THSD7B: variants seen among roughly 807,000 people sequenced by gnomAD.
The protein encoded by THSD7B is thrombospondin type 1 domain containing 7B.
In THSD7B, 138 loss-of-function variants were observed where a neutral mutation model predicts 213.6. The observed-to-expected ratio is 0.65, with a 90% CI of 0.56 to 0.74. The LOEUF is 0.74. Ranked by LOEUF, THSD7B falls within the 30% of genes least tolerant of loss-of-function variation. The pLI is 0.00. For synonymous variants in THSD7B, 742 were observed against 687.0 expected, an observed-to-expected ratio of 1.08 and a Z score of -1.25; for missense variants, 1,931 against 1,991.5, an observed-to-expected ratio of 0.97 and a Z score of 0.58.
At chr2:137,612,737 C>T (rs570787699) in intron 17 of THSD7B, among the ~76,000 whole-genome samples, 2 of 152,040 alleles carry the variant, frequency 1.3e-5, no homozygotes, top group Non-Finnish European at 2.9e-5. Context: ...AAACAACACA[C>T]TTTGGAAAAG....
At chr2:136,821,379 A>T (rs1285454628) in intron 1 of THSD7B, among the ~76,000 whole-genome samples, 2 of 152,122 alleles carry the variant, frequency 1.3e-5, no homozygotes, top group Non-Finnish European at 1.5e-5. Flanking sequence ...TGGAAACTCC[A>T]TCCTGTGTTA....
intron 14 of THSD7B, among the ~76,000 whole-genome samples, chr2:137,440,868 T>C (rs1364485853): frequency 6.6e-6 from 1 of 152,136 alleles, no homozygotes; most frequent in Non-Finnish European, 1.5e-5. Context: ...ATACTTTTCT[T>C]CTAAGCTTAT....
intron 2 of THSD7B, among the ~76,000 whole-genome samples, chr2:136,990,539 A>G (rs1685759331): frequency 6.6e-6 from 1 of 152,212 alleles, no homozygotes; most frequent in South Asian, 2.1e-4. Flanking sequence ...AGGGCATTAC[A>G]GGACGTGCAG....
At chr2:137,621,620 A>G (rs1433861501) in intron 20 of THSD7B, among the ~76,000 whole-genome samples, 2 of 152,190 alleles carry the variant, frequency 1.3e-5, no homozygotes, top group Admixed American at 6.5e-5. Flanking sequence ...ACAAGACCAT[A>G]GCATAAAACA....
rs73958342 is a variant in THSD7B, at chr2:137,119,288, A to G, written c.1369+3995A>G. On this transcript the variant is annotated intron_variant, in intron 5 of 27. Transcript: ENST00000409968. Reference sequence around the variant, plus strand: ...AAACATTTATTTGTTTAAAAAAATTATGTGCCTGTTATGAGTTAGTCTATG... The same window carrying G: ...AAACATTTATTTGTTTAAAAAAATTGTGTGCCTGTTATGAGTTAGTCTATG... Among the ~76,000 whole-genome samples the G allele has an allele frequency of 4.2e-3, 640 of 152,336 alleles. 3 individuals carry two copies. The highest frequency in any genetic ancestry group is 0.015 in the African/African-American group (614 of 41,582).
chr2:136,963,037 T>C (rs1380085963), intron 2 of THSD7B, among the ~76,000 whole-genome samples: 1 of 152,210 alleles, frequency 6.6e-6, no homozygotes, highest in Non-Finnish European at 1.5e-5. Flanking sequence ...CTACATATCA[T>C]ATCTCAGAGA....
chr2:137,499,730 TG>T (rs1679657029), intron 15 of THSD7B, among the ~76,000 whole-genome samples: 1 of 152,068 alleles, frequency 6.6e-6, no homozygotes, highest in African/African-American at 2.4e-5. Flanking sequence ...CTATCAACAA[TG>T]GGGAACATGA....
intron 15 of THSD7B, among the ~76,000 whole-genome samples, chr2:137,509,630 T>C (rs1679918073): frequency 6.6e-6 from 1 of 152,216 alleles, no homozygotes; most frequent in African/African-American, 2.4e-5. Context: ...TGAAAGTCTT[T>C]GTCTGCTAAG....
At position 137,222,314 on chromosome 2, in the gene THSD7B, G is replaced by A. The variant is rs1681388581; in HGVS notation, c.1724-8730G>A. On this transcript the variant is annotated intron_variant, in intron 7 of 27. Coordinates refer to ENST00000409968, the MANE Select transcript of THSD7B (RefSeq NM_001316349.2). The stretch of plus-strand genomic sequence containing the variant: ...CACATTTTGGTAAATGTCAAAAGCA[G>A]AACTGAAATCCAGACGTCCCAACTA... Among the ~76,000 whole-genome samples, 3 of 152,154 alleles carry A rather than the reference G, an allele frequency of 2.0e-5. No homozygotes were observed. The South Asian group carries it at 6.2e-4, about 31-fold the overall frequency.
intron 12 of THSD7B, among the ~76,000 whole-genome samples, chr2:137,355,403 T>A (rs1685104395): frequency 1.3e-5 from 2 of 152,158 alleles, no homozygotes; most frequent in African/African-American, 4.8e-5. Flanking sequence ...TATCTATGAA[T>A]GAAACTAAAA....
rs866134157 is a variant in THSD7B at position 137,551,634 on chromosome 2, A to G, written c.3139-11587A>G. On this transcript the variant is annotated intron_variant, in intron 15 of 27. Transcript: ENST00000409968. ...TTAAAGTTCAAAAATTTATTTATCA[A>G]TACATTTTGTTAAATAAAGCTTATT... Among the ~76,000 whole-genome samples, 3 of 152,204 alleles carry G rather than the reference A, an allele frequency of 2.0e-5. No homozygotes were observed. The East Asian group carries it at 5.8e-4, about 29-fold the overall frequency.
intron 1 of THSD7B, among the ~76,000 whole-genome samples, chr2:136,784,812 AC>A (rs1344163465): frequency 6.6e-6 from 1 of 152,196 alleles, no homozygotes; most frequent in African/African-American, 2.4e-5. Flanking sequence ...GGCTCTCTAA[AC>A]AGGTATAAAT....
intron 2 of THSD7B, among the ~76,000 whole-genome samples, chr2:136,986,207 C>A (rs955025024): frequency 1.3e-5 from 2 of 152,080 alleles, no homozygotes; most frequent in Non-Finnish European, 2.9e-5. Flanking sequence ...GGGACTATTA[C>A]TAAGGCATGA....
At chr2:136,776,636 G>T (rs565349001) in intron 1 of THSD7B, among the ~76,000 whole-genome samples, 27 of 152,298 alleles carry the variant, frequency 1.8e-4, no homozygotes, top group Admixed American at 3.3e-4. Flanking sequence ...TGGCAACAAG[G>T]TTGGCAAGCA....
intron 7 of THSD7B, among the ~76,000 whole-genome samples, chr2:137,178,009 T>C (rs187146222): frequency 0.012 from 1,789 of 148,346 alleles, 33 homozygotes; most frequent in African/African-American, 0.04. Context: ...AGGCGGAGGT[T>C]GCAGTGAGCC....
intron 17 of THSD7B, among the ~76,000 whole-genome samples, chr2:137,602,637 C>T (rs1421797586): frequency 1.3e-5 from 2 of 152,260 alleles, no homozygotes; most frequent in Admixed American, 6.5e-5. Context: ...GGGTCTTCTA[C>T]GTGCATCATC....
chr2:137,315,596 C>T lies in THSD7B; in HGVS notation c.2500+39570C>T, dbSNP rs561158174. 4.0e-3 allele frequency among the ~76,000 whole-genome samples: 608 copies of T among 150,590 alleles called. 4 individuals are homozygous for T. Among genetic ancestry groups the T allele is most frequent in the African/African-American group, 0.014 (568 of 41,064 alleles). ...AGCGTCTCTATCAACTTTTTTTTTTCGTTTCTAGATTTGGTATTATTATAG... is the reference window on the plus strand; with the variant it reads ...AGCGTCTCTATCAACTTTTTTTTTTTGTTTCTAGATTTGGTATTATTATAG... On this transcript the variant is annotated intron_variant, in intron 12 of 27. Transcript: ENST00000409968.
At chr2:137,022,956 G>A (rs536033478) in intron 2 of THSD7B, among the ~76,000 whole-genome samples, 1 of 152,226 alleles carries the variant, frequency 6.6e-6, no homozygotes, top group East Asian at 1.9e-4. Context: ...TACAAAAATA[G>A]ACAGTGGGCC....
intron 12 of THSD7B, among the ~76,000 whole-genome samples, chr2:137,302,911 C>A (rs1163789881): frequency 6.6e-6 from 1 of 152,152 alleles, no homozygotes; most frequent in Non-Finnish European, 1.5e-5. Context: ...CTACTACAGT[C>A]TTTACTTCCC....
Sources: allele counts gnomAD v4.1 joint callset (sites outside exome capture counted in the v4.1 genomes callset), GRCh38; gene constraint gnomAD v4.1.1; transcripts MANE v1.5; gene names NCBI Gene and HGNC (gene_info 2026-07-23, HGNC 2026-07-21).